VPS33A: variants seen among roughly 807,000 people sequenced by gnomAD.
The protein encoded by VPS33A is vacuolar protein sorting-associated protein 33A.
A neutral mutation model predicts 71.8 loss-of-function variants in VPS33A; 32 were observed. That is an observed-to-expected ratio of 0.45 (90% CI 0.34 to 0.60). The LOEUF is 0.60. VPS33A is among the 20% of genes least tolerant of loss of function. The pLI is 0.02. For missense variants in VPS33A, 625 were observed against 748.5 expected (o/e 0.84, Z 1.92); for synonymous variants, 311 against 292.7 (o/e 1.06, Z -0.64).
intron 1 of VPS33A, among the ~76,000 whole-genome samples, chr12:122,265,277 T>C (rs545613957): frequency 1.3e-5 from 2 of 152,220 alleles, no homozygotes; most frequent in South Asian, 2.1e-4. Context: ...TCCAAGGCCA[T>C]ATAGACCTTG....
chr12:122,240,719 A>G (rs996640818), intron 8 of VPS33A, among the ~76,000 whole-genome samples: 2 of 152,174 alleles, frequency 1.3e-5, no homozygotes. Context: ...AAACAAACAA[A>G]CTCATGTCTG....
chr12:122,242,960 GAGAAA>G (rs1214202472), intron 7 of VPS33A, among the ~76,000 whole-genome samples: 3 of 152,144 alleles, frequency 2.0e-5, no homozygotes, highest in Non-Finnish European at 4.4e-5. Flanking sequence ...CATAAAAAAA[GAGAAA>G]AGAAAAGTAT....
rs1226023727 is a variant in VPS33A, at chr12:122,266,480, G to A, written c.-72C>T. 6.4e-7 allele frequency: 1 copy of A among 1,560,504 alleles called. No homozygotes were observed. The highest frequency in any genetic ancestry group is 1.1e-5 in the South Asian group (1 of 87,164). On this transcript the variant is annotated 5_prime_UTR_variant, in exon 1 of 13. Transcript: ENST00000267199. ...TTCCTACGGGAGGACCACGGACGCA[G>A]TCACGTGACCAAACGTCCACGTGAC...
intron 7 of VPS33A, among the ~76,000 whole-genome samples, chr12:122,244,024 C>T (rs1490758879): frequency 6.6e-6 from 1 of 152,114 alleles, no homozygotes; most frequent in African/African-American, 2.4e-5. Context: ...GTTGAATTCC[C>T]ATGTTTCAAA....
chr12:122,248,875 A>C (rs1954809182), intron 6 of VPS33A: 1 of 152,234 alleles, frequency 6.6e-6, no homozygotes, highest in South Asian at 2.1e-4. Flanking sequence ...CGGCCTGGGC[A>C]CTAAAATTCT....
At chr12:122,263,893 T>C (rs1955032402) in intron 2 of VPS33A, among the ~76,000 whole-genome samples, 194 bp from the exon 3 acceptor site, 2 of 152,208 alleles carry the variant, frequency 1.3e-5, no homozygotes, top group Non-Finnish European at 2.9e-5. Flanking sequence ...AGCATTCAAA[T>C]GACTCTTACA....
intron 8 of VPS33A, among the ~76,000 whole-genome samples, chr12:122,240,770 A>G (rs1343912496): frequency 6.6e-6 from 1 of 152,210 alleles, no homozygotes; most frequent in Non-Finnish European, 1.5e-5. Flanking sequence ...AATACTCAAC[A>G]TATACTCTTT....
At chr12:122,239,096 T>C (rs1313210347) in intron 9 of VPS33A, among the ~76,000 whole-genome samples, 3 of 152,180 alleles carry the variant, frequency 2.0e-5, no homozygotes, top group Non-Finnish European at 4.4e-5. Context: ...TATGCCTGTC[T>C]GGACACGTCT....
rs575451329 is a variant in VPS33A, at chr12:122,242,266, G to GTA, written c.1096+114_1096+115dup. On this transcript the variant is annotated intron_variant, in intron 8 of 12. Transcript: ENST00000267199. ...TCATTAACACTGAGAAGAACACGTG[G>GTA]TATTAAGACAGAGCTGACTCTCCCG... 4.5e-4 allele frequency: 573 copies of GTA among 1,261,972 alleles called. 1 individual carries two copies. The Admixed American group carries it at 9.8e-3, about 22-fold the overall frequency. 78.2% of individuals were successfully genotyped at this position (1,261,972 alleles called of 1,614,324 possible).
chr12:122,244,536 G>A (rs1396472989), intron 7 of VPS33A, 33 bp downstream of exon 7: 1 of 1,560,706 alleles, frequency 6.4e-7, no homozygotes, highest in East Asian at 2.3e-5. Context: ...CTGAGGCCTA[G>A]AGTTGCAGAA....
At position 122,266,392 on chromosome 12, in the gene VPS33A, G is replaced by A; in HGVS notation, c.17C>T (p.Ser6Phe). The A allele has an allele frequency of 1.9e-6, 3 of 1,612,152 alleles. No individual in the cohort carries two copies. Among genetic ancestry groups the A allele is most frequent in the Non-Finnish European group, 2.5e-6 (3 of 1,178,838 alleles). ...CACGTTTAGGTTCACTCGGCCGTAG[G>A]ACAGATGAGCCGCCATCTTGCTCCA... MAAHL[S>F]YGRVNLNVLR... The change falls in exon 1 of 13, where the codon TCC becomes TTC. Residue 6 changes from serine (S) to phenylalanine (F), a missense_variant. Ser to Phe is a radical substitution (Grantham distance 155). Coordinates refer to ENST00000267199, the MANE Select transcript of VPS33A (RefSeq NM_022916.6).
At chr12:122,250,823 G>C in intron 5 of VPS33A, 160 bp downstream of exon 5, 1 of 623,410 alleles carries the variant, frequency 1.6e-6, no homozygotes, top group Non-Finnish European at 2.9e-6. Context: ...TACTGACTTG[G>C]AGGGTTATAA....
At chr12:122,238,982 C>A (rs1593196675) in intron 9 of VPS33A, among the ~76,000 whole-genome samples, 1 of 141,398 alleles carries the variant, frequency 7.1e-6, no homozygotes, top group African/African-American at 2.7e-5. Context: ...ACACCCCACA[C>A]ACACATACAT....
intron 9 of VPS33A, 100 bp downstream of exon 9, chr12:122,239,778 A>AAAAAAAAAAAAAAG (rs1954688597): frequency 1.7e-6 from 1 of 596,428 alleles, no homozygotes; most frequent in Non-Finnish European, 2.8e-6. Flanking sequence ...AAAAAAAAAA[A>AAAAAAAAAAAAAAG]AGGCAAGGCA....
At chr12:122,244,524 A>C (rs746828353) in intron 7 of VPS33A, 45 bp downstream of exon 7, 12 of 1,523,382 alleles carry the variant, frequency 7.9e-6, no homozygotes, top group Non-Finnish European at 1.1e-5. Context: ...GTGGGCATCT[A>C]CCTGAGGCCT....
intron 7 of VPS33A, 88 bp from the exon 8 acceptor site, chr12:122,242,596 A>C: frequency 6.9e-7 from 1 of 1,455,432 alleles, no homozygotes; most frequent in Admixed American, 2.2e-5. Flanking sequence ...TTTGTTGCCC[A>C]GGCTGGAGTG....
intron 8 of VPS33A, among the ~76,000 whole-genome samples, chr12:122,241,976 C>A (rs1211899814): frequency 6.6e-6 from 1 of 151,896 alleles, no homozygotes; most frequent in Non-Finnish European, 1.5e-5. Flanking sequence ...GGCGTGATGT[C>A]GGCTCACTGC....
At chr12:122,250,192 G>C (rs1954824823) in intron 5 of VPS33A, 147 bp from the exon 6 acceptor site, 8 of 858,170 alleles carry the variant, frequency 9.3e-6, no homozygotes, top group Non-Finnish European at 1.2e-5. Context: ...CTCTAGAAAA[G>C]CACCTTGCTG....
intron 6 of VPS33A, chr12:122,249,358 G>A (rs1304054512): frequency 6.6e-6 from 1 of 152,110 alleles, no homozygotes; most frequent in African/African-American, 2.4e-5. Flanking sequence ...AAGTAGCTGG[G>A]GCTACAGGCA....
Sources: allele counts gnomAD v4.1 joint callset (sites outside exome capture counted in the v4.1 genomes callset), GRCh38; gene constraint gnomAD v4.1.1; transcripts MANE v1.5; gene names NCBI Gene and HGNC (gene_info 2026-07-23, HGNC 2026-07-21).